The following PRKN variants were observed in gnomAD, a reference collection of about 807,000 sequenced individuals.
PRKN encodes the protein parkin RBR E3 ubiquitin protein ligase, also known as E3 ubiquitin-protein ligase parkin.
In PRKN, 56 loss-of-function variants were observed where a neutral mutation model predicts 59.5. That is an observed-to-expected ratio of 0.94 (90% confidence interval 0.76 to 1.18). The LOEUF (loss-of-function observed/expected upper bound fraction) is 1.18. Ranked by LOEUF, PRKN falls within the 50% of genes most tolerant of loss-of-function variation. The pLI is 0.00. For synonymous variants in PRKN, 250 were observed against 222.1 expected, an observed-to-expected ratio of 1.13 and a Z score of -1.12; for missense variants, 657 against 596.4, an observed-to-expected ratio of 1.10 and a Z score of -1.06.
At chr6:161,599,337 T>C (rs1436961646) in intron 7 of PRKN, among the ~76,000 whole-genome samples, 3 of 152,128 alleles carry the variant, frequency 2.0e-5, no homozygotes, top group East Asian at 1.9e-4. Flanking sequence ...TATAAAATCA[T>C]TGACACTCAG....
intron 1 of PRKN, among the ~76,000 whole-genome samples, chr6:162,550,829 A>G (rs2128203524): frequency 6.6e-6 from 1 of 152,266 alleles, no homozygotes; most frequent in Middle Eastern, 3.4e-3. Flanking sequence ...TCATGCTGCG[A>G]CGGTGCCATG....
At chr6:162,235,968 A>AAAGAAAGAAAGAAAGAAAGAAAGAAAG (rs1554288868) in intron 3 of PRKN, among the ~76,000 whole-genome samples, 1 of 72,506 alleles carries the variant, frequency 1.4e-5, no homozygotes, top group Non-Finnish European at 2.6e-5. Flanking sequence ...GAAGAAAGAA[A>AAAGAAAGAAAGAAAGAAAGAAAGAAAG]GAAAGAAAGA....
intron 1 of PRKN, among the ~76,000 whole-genome samples, chr6:162,656,680 G>A (rs1349469841): frequency 6.6e-6 from 1 of 152,152 alleles, no homozygotes; most frequent in Non-Finnish European, 1.5e-5. Flanking sequence ...TAGTTTTGAA[G>A]AGCACATATA....
chr6:162,369,227 T>C (rs1204886458), intron 2 of PRKN, among the ~76,000 whole-genome samples: 1 of 152,224 alleles, frequency 6.6e-6, no homozygotes, highest in African/African-American at 2.4e-5. Context: ...CTTTTGTTGC[T>C]ATTTTTATAT....
chr6:161,691,976 C>A (rs1785815411), intron 7 of PRKN, among the ~76,000 whole-genome samples: 1 of 151,190 alleles, frequency 6.6e-6, no homozygotes, highest in Non-Finnish European at 1.5e-5. Flanking sequence ...ACAATGTTTT[C>A]TGAGTTTGCC....
chr6:161,653,740 G>A (rs1784234204), intron 7 of PRKN, among the ~76,000 whole-genome samples: 1 of 152,136 alleles, frequency 6.6e-6, no homozygotes, highest in Non-Finnish European at 1.5e-5. Flanking sequence ...GTATATTGTG[G>A]GTCTTTATAG....
chr6:162,164,821 C>T (rs1782909247), intron 4 of PRKN, among the ~76,000 whole-genome samples: 1 of 148,072 alleles, frequency 6.8e-6, no homozygotes, highest in Non-Finnish European at 1.5e-5. Context: ...TACTAGGACA[C>T]TAGAGGCCTA....
intron 6 of PRKN, among the ~76,000 whole-genome samples, chr6:161,970,101 T>C (rs900120419): frequency 6.6e-6 from 1 of 152,160 alleles, no homozygotes; most frequent in African/African-American, 2.4e-5. Flanking sequence ...TGGAGTGCAG[T>C]GGCACAAACA....
chr6:161,716,460 A>G (rs1786982259), intron 7 of PRKN, among the ~76,000 whole-genome samples: 1 of 152,142 alleles, frequency 6.6e-6, no homozygotes, highest in Admixed American at 6.5e-5. Context: ...CTGCACTATG[A>G]ACAAAAAAAA....
intron 7 of PRKN, among the ~76,000 whole-genome samples, chr6:161,686,668 A>G (rs917849010): frequency 6.6e-6 from 1 of 152,140 alleles, no homozygotes; most frequent in Non-Finnish European, 1.5e-5. Context: ...CTATCCATAC[A>G]CAGGGCTCCA....
chr6:161,657,880 T>A (rs1784405753), intron 7 of PRKN, among the ~76,000 whole-genome samples: 1 of 151,200 alleles, frequency 6.6e-6, no homozygotes, highest in Non-Finnish European at 1.5e-5. Context: ...ACAAAAAAAA[T>A]TAGCTGGCAT....
At chr6:161,984,207 G>C (rs1208406101) in intron 5 of PRKN, among the ~76,000 whole-genome samples, 1 of 152,128 alleles carries the variant, frequency 6.6e-6, no homozygotes, top group African/African-American at 2.4e-5. Flanking sequence ...GAGATCACTT[G>C]TACCCTGGAT....
intron 1 of PRKN, among the ~76,000 whole-genome samples, chr6:162,493,118 C>G (rs1792895139): frequency 6.6e-6 from 1 of 152,096 alleles, no homozygotes. Context: ...CTCTTACTTC[C>G]CTTGTTCGGC....
At chr6:162,727,361 C>A in intron 1 of PRKN, 1 of 393,826 alleles carries the variant, frequency 2.5e-6, no homozygotes, top group South Asian at 3.5e-5. Context: ...CCCACACGGT[C>A]CGGGGGACCG....
At chr6:162,398,403 T>TTG (rs1787590196) in intron 2 of PRKN, among the ~76,000 whole-genome samples, 1 of 152,106 alleles carries the variant, frequency 6.6e-6, no homozygotes, top group Non-Finnish European at 1.5e-5. Flanking sequence ...TTGTTTTTTT[T>TTG]TTTTGAGACA....
chr6:161,386,478 A>T lies in PRKN; in HGVS notation c.1167+316T>A, dbSNP rs1786251382. Among the ~76,000 whole-genome samples, 1 of 152,152 alleles carries T rather than the reference A, an allele frequency of 6.6e-6. No homozygotes were observed. Among genetic ancestry groups the T allele is most frequent in the South Asian group, 2.1e-4 (1 of 4,828 alleles). On this transcript the variant is annotated intron_variant, in intron 10 of 11. Coordinates refer to ENST00000366898, the MANE Select transcript of PRKN (RefSeq NM_004562.3). The surrounding 1 kb of genome is among the most constrained non-coding windows in gnomAD (Gnocchi z 4.3). Reference sequence around the variant, plus strand: ...AGTAGACTTAGTATGGATTTCTCTGATTTAGACACTGTTAAGTTGTTTTAT... The same window carrying T: ...AGTAGACTTAGTATGGATTTCTCTGTTTTAGACACTGTTAAGTTGTTTTAT...
At chr6:162,369,966 A>G (rs1265407473) in intron 2 of PRKN, among the ~76,000 whole-genome samples, 1 of 152,132 alleles carries the variant, frequency 6.6e-6, no homozygotes, top group Non-Finnish European at 1.5e-5. Context: ...AAAGCCCCCA[A>G]TTAGGTCACC....
chr6:161,648,158 C>G (rs965811598), intron 7 of PRKN, among the ~76,000 whole-genome samples: 11 of 152,192 alleles, frequency 7.2e-5, no homozygotes, highest in African/African-American at 2.7e-4. Context: ...CCTTGAGATG[C>G]CCAAGGACAG....
chr6:161,923,866 G>C (rs1252324773), intron 6 of PRKN, among the ~76,000 whole-genome samples: 1 of 152,114 alleles, frequency 6.6e-6, no homozygotes, highest in South Asian at 2.1e-4. Flanking sequence ...CTCTTTCCCT[G>C]TCTGCCTGGT....
Sources: gnomAD v4.1 joint callset for allele counts (sites outside exome capture counted in the v4.1 genomes callset) on GRCh38, gnomAD v4.1.1 for gene constraint, Gnocchi (gnomAD v3.1) non-coding constraint, MANE v1.5 for transcripts, NCBI Gene and HGNC (gene_info 2026-07-23, HGNC 2026-07-21) for gene names.